The following ANO1 variants were observed in gnomAD, a reference collection of about 807,000 sequenced individuals.
The protein encoded by ANO1 is anoctamin-1.
ANO1 carries 59 observed loss-of-function variants against 124.0 expected under a neutral mutation model. The observed-to-expected ratio is 0.48, with a 90% CI of 0.39 to 0.59. The LOEUF is 0.59. Ranked by LOEUF, ANO1 falls within the 20% of genes least tolerant of loss-of-function variation. The pLI is 0.00. For missense variants in ANO1, 1,059 were observed against 1,328.0 expected, an observed-to-expected ratio of 0.80 and a Z score of 3.15; for synonymous variants, 529 against 532.0, an observed-to-expected ratio of 0.99 and a Z score of 0.08.
chr11:70,042,477 C>T lies in ANO1; in HGVS notation c.59-36065C>T, dbSNP rs55807116. 8.8e-3 allele frequency among the ~76,000 whole-genome samples: 1,329 copies of T among 151,716 alleles called. 10 individuals carry two copies. The highest frequency in any genetic ancestry group is 0.015 in the Non-Finnish European group (1,038 of 67,902). On this transcript the variant is annotated intron_variant, in intron 1 of 27. Coordinates refer to the ANO1 transcript ENST00000531349. Reference sequence around the variant, plus strand: ...GAGGGGGATGTTGCATTCATGCATGCGTGCGTATGCACGCACACACACACA... The same window carrying T: ...GAGGGGGATGTTGCATTCATGCATGTGTGCGTATGCACGCACACACACACA...
intron 2 of ANO1, among the ~76,000 whole-genome samples, chr11:70,097,340 T>C (rs1361476830): frequency 2.6e-5 from 4 of 152,188 alleles, no homozygotes; most frequent in African/African-American, 9.7e-5. Context: ...GGATGTATGC[T>C]TGCTCCAGAA....
intron 1 of ANO1, among the ~76,000 whole-genome samples, chr11:70,069,583 G>T (rs17160585): frequency 6.6e-6 from 1 of 151,880 alleles, no homozygotes; most frequent in Non-Finnish European, 1.5e-5. Context: ...AGACGTAATC[G>T]TTCATGTTTA....
Position 70,088,039 on chromosome 11 carries a change from G to A in ANO1, c.396G>A (p.Glu132=). The change falls in exon 2 of 26, where the codon GAG becomes GAA. Residue 132 remains glutamate, a synonymous_variant. Coordinates refer to ENST00000355303, the MANE Select transcript of ANO1 (RefSeq NM_018043.7). ...DDKRFRREEY[E]GNLLEAGLEL... ...AGCGCTTCCGCAGGGAGGAGTACGA[G>A]GGCAACCTCCTGGAGGCGGGCCTGG... 2.0e-6 allele frequency: 3 copies of A among 1,472,498 alleles called. No individual in the cohort carries two copies. Among genetic ancestry groups the A allele is most frequent in the African/African-American group, 1.4e-5 (1 of 70,318 alleles). 91.2% of individuals were successfully genotyped at this position (1,472,498 alleles called of 1,614,324 possible). A position where few individuals can be genotyped will look rare whatever the true frequency, so the allele number is the denominator to read the frequency against.
At chr11:70,038,296 C>T (rs922388732) in intron 1 of ANO1, among the ~76,000 whole-genome samples, 25 of 152,160 alleles carry the variant, frequency 1.6e-4, no homozygotes, top group Admixed American at 7.9e-4. Flanking sequence ...TCTCTTTCCC[C>T]TTTGCCTATT....
intron 10 of ANO1, among the ~76,000 whole-genome samples, chr11:70,126,940 C>T (rs1184518166): frequency 7.7e-6 from 1 of 129,194 alleles, no homozygotes; most frequent in African/African-American, 3.0e-5. Context: ...GGAGGTGAGA[C>T]GTGAACGCTA....
chr11:70,112,768 A>G (rs1416867391), intron 7 of ANO1, among the ~76,000 whole-genome samples: 1 of 152,118 alleles, frequency 6.6e-6, no homozygotes, highest in African/African-American at 2.4e-5. Context: ...CATGTTGGCC[A>G]GGCTGGTCTC....
chr11:69,972,295 A>G, the ANO1 span, among the ~76,000 whole-genome samples: 1 of 151,842 alleles, frequency 6.6e-6, no homozygotes, highest in Admixed American at 6.6e-5. Context: ...TCAGCCTAAA[A>G]TGTACAGTAT....
chr11:70,095,354 GAA>G (rs1565193753), intron 2 of ANO1, among the ~76,000 whole-genome samples: 294 of 9,936 alleles, frequency 0.03, 33 homozygotes, highest in African/African-American at 0.09. Context: ...GAAAAAGAAA[GAA>G]AGAAAGAAAG....
rs2049249637 is a variant in ANO1, at chr11:70,188,836, A to G, written c.*832A>G. ...TTCCACAGATGGTGTCAGGGTTTCA[A>G]GAAGTCTTAGGGCTTCCAGGGGTCC... On this transcript the variant is annotated 3_prime_UTR_variant, in exon 26 of 26. Coordinates refer to ENST00000355303, the MANE Select transcript of ANO1 (RefSeq NM_018043.7). 1 of 152,178 alleles carries G rather than the reference A, an allele frequency of 6.6e-6. No homozygotes were observed. Among genetic ancestry groups the G allele is most frequent in the Non-Finnish European group, 1.5e-5 (1 of 67,920 alleles). The allele number at this position is 152,178 out of a possible 1,614,324, so 9.4% of individuals were successfully genotyped here. A position where few individuals can be genotyped will look rare whatever the true frequency, so the allele number is the denominator to read the frequency against.
intron 2 of ANO1, among the ~76,000 whole-genome samples, chr11:70,095,349 A>G (rs898092052): frequency 0.034 from 286 of 8,494 alleles, 32 homozygotes; most frequent in African/African-American, 0.11. Flanking sequence ...AGAAAGAAAA[A>G]GAAAGAAAGA....
In ANO1 at chr11:70,170,265, G is replaced by A. The variant is rs56870258; in HGVS notation, c.2198-622G>A. ...GGGCAGGGGGATGACCACAGGCTGG[G>A]CCTTTGAGCTCACGATGGTCCTTTT... On this transcript the variant is annotated intron_variant, in intron 21 of 25. Transcript: ENST00000355303. 896 of 421,812 alleles carry A rather than the reference G, an allele frequency of 2.1e-3. 10 individuals are homozygous for A. Among genetic ancestry groups the A allele is most frequent in the African/African-American group, 0.018 (851 of 48,594 alleles). The allele number at this position is 421,812 out of a possible 1,614,324, so 26.1% of individuals were successfully genotyped here.
At chr11:70,006,391 G>A (rs1555000030) in intron 1 of ANO1, among the ~76,000 whole-genome samples, 1 of 151,954 alleles carries the variant, frequency 6.6e-6, no homozygotes, top group African/African-American at 2.4e-5. Context: ...AAGCAAATTT[G>A]CAAGTCCAGG....
chr11:70,114,641 G>C (rs2045909550), intron 7 of ANO1, among the ~76,000 whole-genome samples: 1 of 152,200 alleles, frequency 6.6e-6, no homozygotes, highest in Non-Finnish European at 1.5e-5. Context: ...GCTCACGCCT[G>C]CAATCACAGC....
intron 21 of ANO1, among the ~76,000 whole-genome samples, chr11:70,169,331 C>T (rs537673659): frequency 6.6e-6 from 1 of 152,234 alleles, no homozygotes; most frequent in African/African-American, 2.4e-5. Flanking sequence ...CACATTTCCA[C>T]ACCCACTGAC....
At chr11:70,081,784 AG>A (rs2044210080) in intron 1 of ANO1, among the ~76,000 whole-genome samples, 2 of 152,226 alleles carry the variant, frequency 1.3e-5, no homozygotes, top group Non-Finnish European at 2.9e-5. Context: ...TCATAGAGGC[AG>A]GTGTGGACCA....
At chr11:70,186,825 C>T (rs181370702) in intron 25 of ANO1, among the ~76,000 whole-genome samples, 1 of 152,364 alleles carries the variant, frequency 6.6e-6, no homozygotes, top group East Asian at 1.9e-4. Context: ...CCCTTCCACT[C>T]CTCTAAGCTC....
chr11:70,078,908 C>T (rs1289115561), intron 1 of ANO1, among the ~76,000 whole-genome samples, 194 bp downstream of exon 1: 5 of 151,524 alleles, frequency 3.3e-5, no homozygotes. Flanking sequence ...GCGTGCGCCC[C>T]GCCTGCGCTC....
At chr11:70,006,237 C>A (rs2120353392) in intron 1 of ANO1, among the ~76,000 whole-genome samples, 1 of 152,324 alleles carries the variant, frequency 6.6e-6, no homozygotes, top group African/African-American at 2.4e-5. Flanking sequence ...ACTTTCACAT[C>A]CAATTTGATG....
At chr11:70,156,132 G>A in intron 15 of ANO1, 144 bp downstream of exon 15, 2 of 903,790 alleles carry the variant, frequency 2.2e-6, no homozygotes, top group Non-Finnish European at 1.6e-6. Flanking sequence ...GGCACCCAGT[G>A]AGCCCAGCAT....
Sources: gnomAD v4.1 joint callset for allele counts (sites outside exome capture counted in the v4.1 genomes callset) on GRCh38, gnomAD v4.1.1 for gene constraint, MANE v1.5 for transcripts, NCBI Gene and HGNC (gene_info 2026-07-23, HGNC 2026-07-21) for gene names.